NOX4: variants seen among roughly 807,000 people sequenced by gnomAD.
The protein encoded by NOX4 is NADPH oxidase 4, also known as kidney oxidase-1.
Under a neutral mutation model 87.6 loss-of-function variants are expected in NOX4, and 69 were observed. That is an observed-to-expected ratio of 0.79 (90% CI 0.65 to 0.96). NOX4 has a LOEUF of 0.96. Ranked by LOEUF, NOX4 falls within the 40% of genes least tolerant of loss-of-function variation. NOX4 has a pLI of 0.00. For synonymous variants in NOX4, 275 were observed against 238.2 expected, an observed-to-expected ratio of 1.15 and a Z score of -1.42; for missense variants, 680 against 681.5, an observed-to-expected ratio of 1.00 and a Z score of 0.02.
At chr11:89,568,006 T>C in the NOX4 span, among the ~76,000 whole-genome samples, 1 of 152,274 alleles carries the variant, frequency 6.6e-6, no homozygotes, top group East Asian at 1.9e-4. Context: ...AGAGTACTGG[T>C]GCTTGTGGAC....
chr11:89,341,658 G>A (rs977917352), intron 14 of NOX4, among the ~76,000 whole-genome samples: 37 of 152,076 alleles, frequency 2.4e-4, no homozygotes, highest in African/African-American at 8.7e-4. Context: ...CCATTTGAAT[G>A]TAAGTTTTTT....
intron 12 of NOX4, among the ~76,000 whole-genome samples, chr11:89,357,399 G>A (rs1372381012): frequency 6.6e-6 from 1 of 151,994 alleles, no homozygotes; most frequent in Admixed American, 6.6e-5. Flanking sequence ...TGATATTTGG[G>A]CTGATATTAC....
At chr11:89,460,250 A>G (rs1256708697) in intron 2 of NOX4, among the ~76,000 whole-genome samples, 2 of 152,192 alleles carry the variant, frequency 1.3e-5, no homozygotes, top group African/African-American at 4.8e-5. Flanking sequence ...CATACACATG[A>G]GCAAGGACTT....
the NOX4 span, among the ~76,000 whole-genome samples, chr11:89,571,585 G>A: frequency 1.3e-5 from 2 of 151,798 alleles, no homozygotes; most frequent in African/African-American, 2.4e-5. Context: ...GTGAGCTACC[G>A]CACCCAGGCT....
At chr11:89,524,661 A>G in the NOX4 span, among the ~76,000 whole-genome samples, 1 of 152,086 alleles carries the variant, frequency 6.6e-6, no homozygotes, top group Non-Finnish European at 1.5e-5. Context: ...GAAGATACAG[A>G]ACATTTTCTT....
chr11:89,527,244 G>T, the NOX4 span, among the ~76,000 whole-genome samples: 1 of 152,096 alleles, frequency 6.6e-6, no homozygotes, highest in African/African-American at 2.4e-5. Flanking sequence ...TCAGTTTTAT[G>T]CATTCACATA....
intron 7 of NOX4, among the ~76,000 whole-genome samples, chr11:89,423,774 G>T (rs895015502): frequency 6.6e-6 from 1 of 151,684 alleles, no homozygotes; most frequent in Non-Finnish European, 1.5e-5. Flanking sequence ...ATATTGAGGG[G>T]TCAGGCATGG....
At chr11:89,560,961 C>CATCTCTCTCTCT in the NOX4 span, among the ~76,000 whole-genome samples, 225 of 52,514 alleles carry the variant, frequency 4.3e-3, 45 homozygotes, top group African/African-American at 0.014. Context: ...CATCTCATCT[C>CATCTCTCTCTCT]GTCTCTCTCT....
chr11:89,422,795 ATTTTTTTT>A (rs147956211), intron 7 of NOX4, among the ~76,000 whole-genome samples: 1 of 110,980 alleles, frequency 9.0e-6, no homozygotes. Flanking sequence ...CAAAGTTCTG[ATTTTTTTT>A]TTTTTTTTTT....
upstream of NOX4, chr11:89,492,266 A>G (rs1453464270): frequency 3.3e-5 from 5 of 152,204 alleles, no homozygotes; most frequent in Admixed American, 1.3e-4. Flanking sequence ...AATGTCATTC[A>G]TGTAGAAAAA....
At chr11:89,456,972 A>C (rs1363545803) in intron 2 of NOX4, among the ~76,000 whole-genome samples, 2 of 152,182 alleles carry the variant, frequency 1.3e-5, no homozygotes, top group Non-Finnish European at 2.9e-5. Context: ...TCCTGGGTAC[A>C]GCCTGGCTAT....
chr11:89,330,964 T>G (rs1235077391), intron 17 of NOX4, among the ~76,000 whole-genome samples: 1 of 152,046 alleles, frequency 6.6e-6, no homozygotes, highest in Admixed American at 6.6e-5. Context: ...TATTGAAAAC[T>G]TGAACATCAC....
At chr11:89,389,683 C>G (rs1432234725) in intron 11 of NOX4, among the ~76,000 whole-genome samples, 2 of 152,100 alleles carry the variant, frequency 1.3e-5, no homozygotes, top group African/African-American at 4.8e-5. Context: ...CTGACTCCAG[C>G]AACATAGATG....
chr11:89,547,424 T>A, the NOX4 span, among the ~76,000 whole-genome samples: 1 of 152,130 alleles, frequency 6.6e-6, no homozygotes, highest in Non-Finnish European at 1.5e-5. Context: ...AAGAGCATAT[T>A]TCAGAAGACA....
intron 9 of NOX4, among the ~76,000 whole-genome samples, chr11:89,401,944 C>T (rs1941877726): frequency 6.6e-6 from 1 of 151,852 alleles, no homozygotes; most frequent in South Asian, 2.1e-4. Flanking sequence ...CAATATTATA[C>T]ATAATAATAT....
In NOX4 at chr11:89,378,704, GA is replaced by G. The variant is rs971138665; in HGVS notation, c.1075-5213del. Among the ~76,000 whole-genome samples the G allele has an allele frequency of 6.4e-4, 97 of 152,158 alleles. 1 individual carries two copies. Among genetic ancestry groups the G allele is most frequent in the African/African-American group, 2.1e-3 (89 of 41,534 alleles). On this transcript the variant is annotated intron_variant, in intron 11 of 17. Transcript: ENST00000263317. ...GAATTAACCTCCTATAAAAATATAG[GA>G]GAATAAAAACGTCAAAGGTGGGCAG...
the NOX4 span, among the ~76,000 whole-genome samples, chr11:89,517,932 T>C: frequency 5.9e-5 from 9 of 152,204 alleles, no homozygotes; most frequent in Non-Finnish European, 1.3e-4. Context: ...TTTGTAAAAT[T>C]CTATATTAAC....
At chr11:89,481,572 TC>T (rs1268455064) in intron 2 of NOX4, among the ~76,000 whole-genome samples, 1 of 152,068 alleles carries the variant, frequency 6.6e-6, no homozygotes, top group Non-Finnish European at 1.5e-5. Flanking sequence ...TCCATATGGC[TC>T]CAAAGCCCAT....
intron 12 of NOX4, among the ~76,000 whole-genome samples, chr11:89,358,085 T>C (rs569236884): frequency 2.8e-4 from 42 of 151,588 alleles, no homozygotes; most frequent in African/African-American, 9.9e-4. Context: ...GCTATCGTGG[T>C]TGTCAAAAAG....
Sources: gnomAD v4.1 joint callset for allele counts (sites outside exome capture counted in the v4.1 genomes callset) on GRCh38, gnomAD v4.1.1 for gene constraint, MANE v1.5 for transcripts, NCBI Gene and HGNC (gene_info 2026-07-23, HGNC 2026-07-21) for gene names.